LPP: variants seen among roughly 807,000 people sequenced by gnomAD.
LPP encodes the protein LIM domain containing preferred translocation partner in lipoma, also known as lipoma-preferred partner.
LPP carries 38 observed loss-of-function variants against 60.4 expected under a neutral mutation model. The observed-to-expected ratio is 0.63, with a 90% confidence interval of 0.49 to 0.83. LPP has a LOEUF of 0.83. Among genes scored for constraint, LPP ranks in the 40% least tolerant of loss-of-function variants. The probability of loss-of-function intolerance (pLI) is 0.00; values close to 1 mark genes in which losing one functional copy is unlikely to be tolerated. For synonymous variants in LPP, 328 were observed against 290.8 expected, an observed-to-expected ratio of 1.13 and a Z score of -1.30; for missense variants, 902 against 783.6, an observed-to-expected ratio of 1.15 and a Z score of -1.80.
chr3:188,280,311 A>G (rs577182284), intron 2 of LPP, among the ~76,000 whole-genome samples: 5 of 152,278 alleles, frequency 3.3e-5, no homozygotes, highest in Admixed American at 2.0e-4. Flanking sequence ...TGGGTCATCT[A>G]TGAAGGGTGG....
In LPP at chr3:188,876,655, G is replaced by A. The variant is rs114943342; in HGVS notation, c.*2176G>A. The A allele has an allele frequency of 0.059, 11,417 of 194,516 alleles. 387 individuals are homozygous for A. Among genetic ancestry groups the A allele is most frequent in the Non-Finnish European group, 0.071 (6,645 of 93,464 alleles). The allele number at this position is 194,516 out of a possible 1,614,324, so 12.0% of individuals were successfully genotyped here. The stretch of plus-strand genomic sequence containing the variant: ...TAGTAACTTTTTATGTAATACTTTC[G>A]GAGAAATTCTCTTTAGGACAAAGCA... On this transcript the variant is annotated 3_prime_UTR_variant, in exon 12 of 12. Coordinates refer to ENST00000617246, the MANE Select transcript of LPP (RefSeq NM_001375462.1).
intron 2 of LPP, chr3:188,240,237 T>C (rs1723596825): frequency 1.1e-5 from 2 of 175,528 alleles, no homozygotes; most frequent in African/African-American, 2.4e-5. Context: ...CCTTTTGGTA[T>C]CAAATTTTAA....
intron 9 of LPP, among the ~76,000 whole-genome samples, chr3:188,811,273 G>T (rs1298468455): frequency 2.0e-5 from 3 of 151,754 alleles, no homozygotes; most frequent in African/African-American, 4.8e-5. Context: ...TATACAGTGG[G>T]CATTTAGGAA....
intron 9 of LPP, among the ~76,000 whole-genome samples, chr3:188,834,262 T>C (rs1197723444): frequency 6.6e-6 from 1 of 152,060 alleles, no homozygotes; most frequent in Admixed American, 6.5e-5. Flanking sequence ...CTGCAATTTG[T>C]ATCTTTGTTT....
intron 7 of LPP, among the ~76,000 whole-genome samples, chr3:188,646,503 TTTG>T (rs1851125170): frequency 6.6e-6 from 1 of 152,184 alleles, no homozygotes; most frequent in Non-Finnish European, 1.5e-5. Context: ...AGGCAGAGTT[TTTG>T]TTATCTGTTT....
chr3:188,760,231 G>A lies in LPP; in HGVS notation c.1359G>A (p.Gly453=), dbSNP rs143323560. 6,347 of 1,614,086 alleles carry A rather than the reference G, an allele frequency of 3.9e-3. 42 individuals are homozygous for A. Among genetic ancestry groups the A allele is most frequent in the Middle Eastern group, 0.019 (113 of 6,062 alleles). The change falls in exon 9 of 12, where the codon GGG becomes GGA. Residue 453 remains glycine (G), a synonymous_variant. Coordinates refer to ENST00000617246, the MANE Select transcript of LPP (RefSeq NM_001375462.1). ...TCIICNNKLR[G]QPFYAVEKKA... ...TCATCTGCAACAACAAGCTCCGAGG[G>A]CAGCCATTCTATGCTGTGGAAAAGA...
intron 4 of LPP, among the ~76,000 whole-genome samples, chr3:188,409,328 T>G (rs770806105): frequency 1.1e-4 from 16 of 152,228 alleles, no homozygotes; most frequent in Non-Finnish European, 1.9e-4. Flanking sequence ...ATATATAAGT[T>G]AAAGACAAAT....
At chr3:188,205,472 G>A (rs542837196) in intron 1 of LPP, among the ~76,000 whole-genome samples, 17 of 151,802 alleles carry the variant, frequency 1.1e-4, no homozygotes, top group African/African-American at 3.6e-4. Context: ...AGTAGAGACG[G>A]GGTTTCACCG....
chr3:188,653,645 A>C (rs772327749), intron 7 of LPP, among the ~76,000 whole-genome samples: 25 of 152,208 alleles, frequency 1.6e-4, no homozygotes, highest in Non-Finnish European at 3.1e-4. Flanking sequence ...TTGAGCTTGC[A>C]TTCATAGGCA....
chr3:188,441,275 C>A (rs1793760659), intron 4 of LPP, among the ~76,000 whole-genome samples: 1 of 152,084 alleles, frequency 6.6e-6, no homozygotes, highest in African/African-American at 2.4e-5. Context: ...AGTCCTACAA[C>A]AGTAATCTTC....
chr3:188,753,580 C>CGTGCGTGTGTGTGTGT (rs367698835), intron 8 of LPP, among the ~76,000 whole-genome samples: 1 of 139,560 alleles, frequency 7.2e-6, no homozygotes. Context: ...TTGTTGTGTG[C>CGTGCGTGTGTGTGTGT]GTGTGTGTGT....
chr3:188,753,925 T>A (rs569717715), intron 8 of LPP, among the ~76,000 whole-genome samples: 1 of 152,268 alleles, frequency 6.6e-6, no homozygotes, highest in East Asian at 1.9e-4. Flanking sequence ...GTGACAGAAC[T>A]ACATGTGTCC....
At chr3:188,496,670 C>T (rs1335333867) in intron 5 of LPP, among the ~76,000 whole-genome samples, 1 of 152,100 alleles carries the variant, frequency 6.6e-6, no homozygotes, top group Admixed American at 6.6e-5. Context: ...TGTTACTCTC[C>T]CTTTATATTC....
intron 9 of LPP, among the ~76,000 whole-genome samples, chr3:188,793,477 C>T (rs186447584): frequency 7.8e-4 from 118 of 152,200 alleles, no homozygotes; most frequent in African/African-American, 2.6e-3. Flanking sequence ...CCACCATGCC[C>T]GGCCACTTTC....
rs565151973 is a variant in LPP at position 188,490,534 on chromosome 3, T to C, written c.306+5830T>C. Among the ~76,000 whole-genome samples the C allele has an allele frequency of 7.2e-5, 11 of 151,826 alleles. No individual in the cohort carries two copies. In the East Asian group the frequency reaches 2.1e-3, roughly 30 times the overall value. On this transcript the variant is annotated intron_variant, in intron 5 of 11. Transcript: ENST00000617246. The stretch of plus-strand genomic sequence containing the variant: ...CGCCCCACCAAGACCGGCTAATTTT[T>C]TGTATTTTTAGTAGAGATGGGGTTT...
intron 2 of LPP, among the ~76,000 whole-genome samples, chr3:188,268,382 C>G (rs372407956): frequency 1.3e-5 from 2 of 152,220 alleles, no homozygotes; most frequent in Non-Finnish European, 2.9e-5. Context: ...AAGAACAATT[C>G]GTGAATTGGG....
At chr3:188,323,876 T>C (rs1757625485) in intron 2 of LPP, among the ~76,000 whole-genome samples, 1 of 152,238 alleles carries the variant, frequency 6.6e-6, no homozygotes, top group Non-Finnish European at 1.5e-5. Flanking sequence ...TGGGATTGAA[T>C]CCAGCTGAAG....
At chr3:188,721,820 G>A (rs984106196) in intron 8 of LPP, among the ~76,000 whole-genome samples, 3 of 152,060 alleles carry the variant, frequency 2.0e-5, no homozygotes, top group African/African-American at 7.2e-5. Flanking sequence ...AGGCATTGCC[G>A]GCCTGATACT....
chr3:188,544,932 T>G (rs1473638686), intron 6 of LPP, among the ~76,000 whole-genome samples: 2 of 27,746 alleles, frequency 7.2e-5, no homozygotes, highest in Non-Finnish European at 1.3e-4. Context: ...CCATAAAAAA[T>G]GATGAGTTCA....
Sources: allele counts gnomAD v4.1 joint callset (sites outside exome capture counted in the v4.1 genomes callset), GRCh38; gene constraint gnomAD v4.1.1; transcripts MANE v1.5; gene names NCBI Gene and HGNC (gene_info 2026-07-23, HGNC 2026-07-21).